The following DOCK1 variants were observed in gnomAD, a reference collection of about 807,000 sequenced individuals.
The protein encoded by DOCK1 is dedicator of cytokinesis 1.
Under a neutral mutation model 262.7 loss-of-function variants are expected in DOCK1, and 138 were observed. That is an observed-to-expected ratio of 0.53 (90% confidence interval 0.46 to 0.61). The LOEUF (loss-of-function observed/expected upper bound fraction) is 0.61, where lower values mean the gene tolerates loss of function less well. DOCK1 is among the 20% of genes least tolerant of loss of function. The pLI, the probability that DOCK1 is intolerant of heterozygous loss-of-function variation, is 0.00. For synonymous variants in DOCK1, 866 were observed against 867.4 expected (o/e 1.00, Z 0.03); for missense variants, 1,908 against 2,370.7 (o/e 0.80, Z 4.05).
chr10:127,408,994 C>T (rs748922456), intron 40 of DOCK1, 43 bp from the exon 41 acceptor site: 2 of 1,549,662 alleles, frequency 1.3e-6, no homozygotes, highest in Non-Finnish European at 8.7e-7. Context: ...CTCTTCCTGG[C>T]CCTTTCTCTG....
At chr10:127,106,712 C>T (rs1331827217) in intron 24 of DOCK1, among the ~76,000 whole-genome samples, 1 of 151,908 alleles carries the variant, frequency 6.6e-6, no homozygotes, top group African/African-American at 2.4e-5. Flanking sequence ...TTGGGAGGGG[C>T]CCTGAGCCTC....
intron 21 of DOCK1, among the ~76,000 whole-genome samples, chr10:127,045,915 A>G (rs963417837): frequency 3.9e-5 from 6 of 152,230 alleles, no homozygotes; most frequent in Admixed American, 6.5e-5. Context: ...CAGGTATAAG[A>G]TGGCCTGGCA....
intron 11 of DOCK1, among the ~76,000 whole-genome samples, chr10:127,010,530 G>A (rs970849128): frequency 3.9e-5 from 6 of 152,188 alleles, no homozygotes; most frequent in African/African-American, 1.2e-4. Flanking sequence ...CATTGGTCCT[G>A]TTTCAAGTGT....
intron 23 of DOCK1, among the ~76,000 whole-genome samples, chr10:127,068,869 T>A (rs1398185991): frequency 6.6e-6 from 1 of 152,240 alleles, no homozygotes; most frequent in Non-Finnish European, 1.5e-5. Context: ...TTCAGTATTT[T>A]TCAAGCACAC....
intron 44 of DOCK1, 63 bp from the exon 45 acceptor site, chr10:127,418,302 G>A: frequency 6.6e-7 from 1 of 1,513,152 alleles, no homozygotes; most frequent in East Asian, 2.4e-5. Context: ...TGGCTCCTCT[G>A]GTGAGACCCT....
chr10:127,433,201 T>G, intron 47 of DOCK1, 82 bp from the exon 48 acceptor site: 1 of 1,574,674 alleles, frequency 6.4e-7, no homozygotes, highest in Non-Finnish European at 8.6e-7. Flanking sequence ...TCCACACAGC[T>G]AAGGCCACTT....
At chr10:127,158,782 A>G (rs1424177958) in intron 27 of DOCK1, among the ~76,000 whole-genome samples, 2 of 152,190 alleles carry the variant, frequency 1.3e-5, no homozygotes, top group Admixed American at 6.5e-5. Context: ...GGCATTCACT[A>G]TGTATCGTCC....
At chr10:127,091,367 A>G (rs1276453491) in intron 23 of DOCK1, among the ~76,000 whole-genome samples, 2 of 152,100 alleles carry the variant, frequency 1.3e-5, no homozygotes, top group Non-Finnish European at 2.9e-5. Flanking sequence ...TGAAGAAAGG[A>G]TATTCGTTTT....
chr10:126,997,209 C>T (rs779880562), intron 7 of DOCK1, among the ~76,000 whole-genome samples: 7 of 152,144 alleles, frequency 4.6e-5, no homozygotes, highest in Non-Finnish European at 8.8e-5. Context: ...TCATGTATTC[C>T]AAGCTCATTG....
intron 25 of DOCK1, among the ~76,000 whole-genome samples, chr10:127,114,662 CA>C (rs1204853840): frequency 1.3e-5 from 2 of 151,746 alleles, no homozygotes; most frequent in Non-Finnish European, 2.9e-5. Flanking sequence ...TGGAAAATTT[CA>C]AATATACAGG....
chr10:127,080,098 C>G (rs193235888), intron 23 of DOCK1, among the ~76,000 whole-genome samples: 1 of 152,038 alleles, frequency 6.6e-6, no homozygotes, highest in East Asian at 1.9e-4. Context: ...TGAGGCTTTG[C>G]GAGAGGAATG....
At chr10:127,288,375 G>A (rs1264790227) in intron 29 of DOCK1, among the ~76,000 whole-genome samples, 1 of 152,134 alleles carries the variant, frequency 6.6e-6, no homozygotes, top group Non-Finnish European at 1.5e-5. Flanking sequence ...GTGGGAAGTG[G>A]TATTTAGAAA....
chr10:127,267,299 A>G (rs1459336335), intron 29 of DOCK1, among the ~76,000 whole-genome samples: 2 of 152,222 alleles, frequency 1.3e-5, no homozygotes, highest in Non-Finnish European at 2.9e-5. Flanking sequence ...AGGCCTAGTC[A>G]TAAATTATTT....
intron 1 of DOCK1, among the ~76,000 whole-genome samples, chr10:126,964,528 T>G (rs2037515095): frequency 6.6e-6 from 1 of 152,234 alleles, no homozygotes; most frequent in Non-Finnish European, 1.5e-5. Context: ...AGAAGATGCA[T>G]ACCATTGAAA....
chr10:127,031,038 A>G (rs546545970), intron 16 of DOCK1, among the ~76,000 whole-genome samples: 1 of 152,336 alleles, frequency 6.6e-6, no homozygotes, highest in South Asian at 2.1e-4. Context: ...CTGGGGGATG[A>G]ACTTTCTCGC....
chr10:126,962,704 C>T (rs1332595279), intron 1 of DOCK1, among the ~76,000 whole-genome samples: 2 of 152,184 alleles, frequency 1.3e-5, no homozygotes, highest in Non-Finnish European at 2.9e-5. Context: ...TAATAATATT[C>T]TTTAATGCAC....
chr10:127,315,376 G>A (rs2062231366), intron 29 of DOCK1, among the ~76,000 whole-genome samples: 1 of 152,058 alleles, frequency 6.6e-6, no homozygotes, highest in Non-Finnish European at 1.5e-5. Context: ...TTAAGATATG[G>A]CCTCATCCCA....
intron 29 of DOCK1, among the ~76,000 whole-genome samples, chr10:127,333,010 C>T (rs781000711): frequency 4.7e-5 from 7 of 150,046 alleles, no homozygotes; most frequent in Non-Finnish European, 7.4e-5. Flanking sequence ...TTGCTAGACT[C>T]ATTTTTCTGC....
Position 127,003,609 on chromosome 10 carries a change from C to T in DOCK1, c.985+3302C>T, listed in dbSNP as rs143170109. Among the ~76,000 whole-genome samples the T allele has an allele frequency of 9.6e-3, 1,464 of 152,250 alleles. 13 individuals are homozygous for T. The highest frequency in any genetic ancestry group is 0.017 in the Non-Finnish European group (1,182 of 68,000). On this transcript the variant is annotated intron_variant, in intron 10 of 51. Transcript: ENST00000623213. Reference sequence around the variant, plus strand: ...GCACTGAGCCTTTGTGGCCTCTGTGCTCACTCCAGAGGGGCCAGCCTTCCT... The same window carrying T: ...GCACTGAGCCTTTGTGGCCTCTGTGTTCACTCCAGAGGGGCCAGCCTTCCT...
Sources: gnomAD v4.1 joint callset for allele counts (sites outside exome capture counted in the v4.1 genomes callset) on GRCh38, gnomAD v4.1.1 for gene constraint, MANE v1.5 for transcripts, NCBI Gene and HGNC (gene_info 2026-07-23, HGNC 2026-07-21) for gene names.